GALNT7: variants seen among roughly 807,000 people sequenced by gnomAD.
The protein encoded by GALNT7 is N-acetylgalactosaminyltransferase 7.
In GALNT7, 60 loss-of-function variants were observed where a neutral mutation model predicts 82.1. The ratio of observed to expected loss-of-function variants is 0.73; its 90% CI spans 0.59 to 0.91. The LOEUF (loss-of-function observed/expected upper bound fraction) is 0.91. Ranked by LOEUF, GALNT7 falls within the 40% of genes least tolerant of loss-of-function variation. The pLI is 0.00. For missense variants in GALNT7, 660 were observed against 804.2 expected (o/e 0.82, Z 2.17); for synonymous variants, 243 against 275.1 (o/e 0.88, Z 1.15).
chr4:173,191,256 T>A (rs1732621108), intron 1 of GALNT7, among the ~76,000 whole-genome samples: 1 of 152,010 alleles, frequency 6.6e-6, no homozygotes, highest in Non-Finnish European at 1.5e-5. Context: ...GCTGGCTGCC[T>A]GTTGTGTCTC....
rs1208847545 is a variant in GALNT7 at position 173,276,387 on chromosome 4, G to GA, written c.588-15716dup. ...CAGGGATTGATTGATAATAACATTG[G>GA]AAAAAGGTAACTAGGTTATCTTAGA... On this transcript the variant is annotated intron_variant, in intron 2 of 11. Transcript: ENST00000265000. Among the ~76,000 whole-genome samples the GA allele has an allele frequency of 3.3e-5, 5 of 152,186 alleles. No individual in the cohort carries two copies. In the East Asian group the frequency reaches 9.7e-4, roughly 29 times the overall value.
At chr4:173,251,750 G>C (rs1415440352) in intron 2 of GALNT7, among the ~76,000 whole-genome samples, 2 of 152,146 alleles carry the variant, frequency 1.3e-5, no homozygotes. Context: ...ATAGGACATT[G>C]CATGTTTTTG....
chr4:173,203,016 A>ATT (rs111907982), intron 1 of GALNT7, among the ~76,000 whole-genome samples: 2 of 141,828 alleles, frequency 1.4e-5, no homozygotes, highest in East Asian at 2.0e-4. Flanking sequence ...ATTTTCATGG[A>ATT]TTTTTTTTTT....
chr4:173,246,555 A>G (rs956202625), intron 1 of GALNT7, among the ~76,000 whole-genome samples: 1 of 152,170 alleles, frequency 6.6e-6, no homozygotes, highest in African/African-American at 2.4e-5. Flanking sequence ...TTGTATGCCT[A>G]TGTTACCTAA....
chr4:173,305,306 T>G (rs1737113144), intron 8 of GALNT7, among the ~76,000 whole-genome samples: 1 of 152,230 alleles, frequency 6.6e-6, no homozygotes, highest in African/African-American at 2.4e-5. Flanking sequence ...TTGATTTGTT[T>G]GAGTTCCTTC....
intron 1 of GALNT7, among the ~76,000 whole-genome samples, chr4:173,242,106 T>C (rs1734456051): frequency 6.6e-6 from 1 of 152,230 alleles, no homozygotes; most frequent in African/African-American, 2.4e-5. Flanking sequence ...TTAGAGTTGC[T>C]GACCTTGATT....
At chr4:173,233,589 A>G (rs973817035) in intron 1 of GALNT7, among the ~76,000 whole-genome samples, 13 of 152,220 alleles carry the variant, frequency 8.5e-5, no homozygotes, top group Admixed American at 3.9e-4. Context: ...ATTAATTCAG[A>G]CTGCAGTGGT....
chr4:173,184,743 TAA>T (rs35677774), intron 1 of GALNT7, among the ~76,000 whole-genome samples: 2 of 149,326 alleles, frequency 1.3e-5, no homozygotes, highest in Admixed American at 6.6e-5. Context: ...CCTGATAATG[TAA>T]AAAAAAAACT....
At chr4:173,171,063 T>C (rs1390483137) in intron 1 of GALNT7, among the ~76,000 whole-genome samples, 1 of 150,684 alleles carries the variant, frequency 6.6e-6, no homozygotes, top group Non-Finnish European at 1.5e-5. Context: ...CTTAACATAA[T>C]TAACATTAAG....
At chr4:173,177,639 T>C (rs563143281) in intron 1 of GALNT7, among the ~76,000 whole-genome samples, 1 of 152,284 alleles carries the variant, frequency 6.6e-6, no homozygotes, top group East Asian at 1.9e-4. Flanking sequence ...AAAAATAATT[T>C]CTTTAAGGAC....
In GALNT7 at chr4:173,189,899, T is replaced by C. The variant is rs142235264; in HGVS notation, c.126+20938T>C. Among the ~76,000 whole-genome samples the C allele has an allele frequency of 5.5e-4, 84 of 152,352 alleles. 3 individuals carry two copies. The East Asian group carries it at 0.014, about 26-fold the overall frequency. ...TAGATTCAACTCTCAGTTGATTCTG[T>C]TGACTCTGTGTGAACTTTAAGGGAT... On this transcript the variant is annotated intron_variant, in intron 1 of 11. Coordinates refer to ENST00000265000, the MANE Select transcript of GALNT7 (RefSeq NM_017423.3).
chr4:173,176,867 A>G (rs1052714964), intron 1 of GALNT7, among the ~76,000 whole-genome samples: 14 of 152,232 alleles, frequency 9.2e-5, no homozygotes, highest in African/African-American at 3.4e-4. Flanking sequence ...GAGCTGGGCT[A>G]TAAGGAATAA....
intron 1 of GALNT7, among the ~76,000 whole-genome samples, chr4:173,183,804 G>T (rs1732361960): frequency 6.6e-6 from 1 of 151,464 alleles, no homozygotes; most frequent in Non-Finnish European, 1.5e-5. Context: ...CCCTGACGGC[G>T]CGGCTGGCCG....
intron 1 of GALNT7, among the ~76,000 whole-genome samples, chr4:173,188,653 G>A (rs1412846260): frequency 1.3e-5 from 2 of 152,126 alleles, no homozygotes; most frequent in African/African-American, 4.8e-5. Context: ...GGAGGAATCT[G>A]GCTGCCTCTG....
At chr4:173,236,151 A>G (rs1734222918) in intron 1 of GALNT7, among the ~76,000 whole-genome samples, 1 of 152,200 alleles carries the variant, frequency 6.6e-6, no homozygotes, top group South Asian at 2.1e-4. Flanking sequence ...TGACAGATCC[A>G]TCCTCTAGCT....
At chr4:173,313,439 C>T (rs1407629609) in intron 8 of GALNT7, among the ~76,000 whole-genome samples, 1 of 151,850 alleles carries the variant, frequency 6.6e-6, no homozygotes, top group Non-Finnish European at 1.5e-5. Context: ...GGTATAGTGG[C>T]ATGTACCTAT....
chr4:173,253,552 A>G (rs1298605294), intron 2 of GALNT7, among the ~76,000 whole-genome samples: 1 of 152,198 alleles, frequency 6.6e-6, no homozygotes, highest in African/African-American at 2.4e-5. Flanking sequence ...TGGGAACTCC[A>G]GTGGAGGTTA....
intron 2 of GALNT7, among the ~76,000 whole-genome samples, chr4:173,263,641 G>A (rs887989796): frequency 6.6e-6 from 1 of 152,172 alleles, no homozygotes; most frequent in African/African-American, 2.4e-5. Flanking sequence ...AAACTGGAAG[G>A]AGTAATTTAT....
chr4:173,176,697 C>T (rs1732054480), intron 1 of GALNT7, among the ~76,000 whole-genome samples: 1 of 152,046 alleles, frequency 6.6e-6, no homozygotes, highest in Admixed American at 6.5e-5. Context: ...AAAAGAGATG[C>T]TGGAGAGATG....
Sources: gnomAD v4.1 joint callset for allele counts (sites outside exome capture counted in the v4.1 genomes callset) on GRCh38, gnomAD v4.1.1 for gene constraint, MANE v1.5 for transcripts, NCBI Gene and HGNC (gene_info 2026-07-23, HGNC 2026-07-21) for gene names.